The following CCNJL variants were observed in gnomAD, a reference collection of about 807,000 sequenced individuals.
CCNJL encodes cyclin-J-like protein.
Under a neutral mutation model 33.4 loss-of-function variants are expected in CCNJL, and 33 were observed. The observed-to-expected ratio is 0.99, with a 90% CI of 0.75 to 1.32. The LOEUF (loss-of-function observed/expected upper bound fraction) is 1.32. Ranked by LOEUF, CCNJL falls within the 40% of genes most tolerant of loss-of-function variation. CCNJL has a pLI of 0.00. For synonymous variants in CCNJL, 227 were observed against 220.9 expected (o/e 1.03, Z -0.24); for missense variants, 512 against 499.7 (o/e 1.02, Z -0.23).
intron 2 of CCNJL, among the ~76,000 whole-genome samples, chr5:160,302,714 A>G (rs1762960626): frequency 6.6e-6 from 1 of 152,108 alleles, no homozygotes. Context: ...CAGGAGGCTG[A>G]GGCAGGAGAA....
Position 160,280,749 on chromosome 5 carries a change from G to T in CCNJL, c.67-11C>A. The T allele has an allele frequency of 6.3e-7, 1 of 1,575,660 alleles. No homozygotes were observed. The highest frequency in any genetic ancestry group is 8.6e-7 in the Non-Finnish European group (1 of 1,158,164). ...GGGCAGCTTCAGTTCCTGGAGGACA[G>T]GCGGGGCGGAGGGGTGACGGTCAGG... On this transcript the variant is annotated splice_polypyrimidine_tract_variant and intron_variant, in intron 2 of 5. Transcript: ENST00000257536.
chr5:160,272,738 C>T (rs1761880977), intron 3 of CCNJL, among the ~76,000 whole-genome samples: 1 of 152,186 alleles, frequency 6.6e-6, no homozygotes, highest in African/African-American at 2.4e-5. Flanking sequence ...GTCTCATCAG[C>T]TGTTGGTTGA....
intron 2 of CCNJL, among the ~76,000 whole-genome samples, chr5:160,306,270 C>CAAAAAA (rs35956418): frequency 1.5e-5 from 1 of 68,908 alleles, no homozygotes; most frequent in Admixed American, 1.7e-4. Flanking sequence ...GACTCCGTCT[C>CAAAAAA]AAAAAAAAAA....
Position 160,251,795 on chromosome 5 carries a change from G to T in CCNJL, c.*1583C>A, listed in dbSNP as rs1038777507. ...AATCCAAACTGCTTGCACATAAATA[G>T]AACGGAGGTTGGCAAAGGAAAAAAA... On this transcript the variant is annotated 3_prime_UTR_variant, in exon 6 of 6. Transcript: ENST00000257536. The T allele has an allele frequency of 6.6e-6, 1 of 152,148 alleles. No homozygotes were observed. The highest frequency in any genetic ancestry group is 1.9e-4 in the East Asian group (1 of 5,182). 9.4% of individuals were successfully genotyped at this position (152,148 alleles called of 1,614,324 possible).
chr5:160,309,969 G>C (rs768041447), intron 2 of CCNJL, among the ~76,000 whole-genome samples: 2 of 152,142 alleles, frequency 1.3e-5, no homozygotes, highest in Non-Finnish European at 2.9e-5. Context: ...AGCCTTTCTT[G>C]CTTCTTTGAG....
intron 2 of CCNJL, among the ~76,000 whole-genome samples, chr5:160,283,413 T>C (rs557482596): frequency 1.3e-5 from 2 of 152,296 alleles, no homozygotes; most frequent in South Asian, 2.1e-4. Flanking sequence ...TGTTCTGTCA[T>C]TAGATAGTGG....
chr5:160,308,001 T>A (rs1186798710), intron 2 of CCNJL, among the ~76,000 whole-genome samples: 2 of 152,144 alleles, frequency 1.3e-5, no homozygotes, highest in African/African-American at 4.8e-5. Context: ...AGTAGATACA[T>A]GATTTTTGGT....
rs182137240 is a variant in CCNJL at position 160,292,984 on chromosome 5, T to C, written c.67-12246A>G. Among the ~76,000 whole-genome samples, 596 of 152,354 alleles carry C rather than the reference T, an allele frequency of 3.9e-3. 2 individuals carry two copies. The highest frequency in any genetic ancestry group is 0.027 in the Middle Eastern group (8 of 294). ...GATGGCTCAGAGAGACTAAGTAACT[T>C]GCTTAAGATCACCCAGTTAATAAAT... On this transcript the variant is annotated intron_variant, in intron 2 of 5. Transcript: ENST00000257536.
intron 3 of CCNJL, among the ~76,000 whole-genome samples, chr5:160,279,851 T>G (rs561368779): frequency 4.2e-4 from 64 of 152,128 alleles, no homozygotes; most frequent in Non-Finnish European, 7.5e-4. Flanking sequence ...TGATGTTAAG[T>G]GGAAGGGTGG....
chr5:160,253,720 G>T lies in CCNJL; in HGVS notation c.822C>A (p.Thr274=). ...GTGGCTGGAACAGCACTTGAGTGGG[G>T]GTGGGGGGTGTGCCGGGCACCATTG... ...ALAMVPGTPP[T]PTQVLFQPPA... The change falls in exon 6 of 6, where the codon ACC becomes ACA. Residue 274 remains threonine (T), a synonymous_variant. Coordinates refer to ENST00000257536, the MANE Select transcript of CCNJL (RefSeq NM_001308173.3). 6.3e-7 allele frequency: 1 copy of T among 1,586,722 alleles called. No homozygotes were observed. The highest frequency in any genetic ancestry group is 8.6e-7 in the Non-Finnish European group (1 of 1,167,392).
At chr5:160,295,418 C>G (rs2421776) in intron 2 of CCNJL, among the ~76,000 whole-genome samples, 31,970 of 152,084 alleles carry the variant, frequency 0.21, 4,637 homozygotes, top group African/African-American at 0.42. Flanking sequence ...AACCCGGGCA[C>G]TGGAGGTTGT....
chr5:160,294,912 C>G (rs1299987918), intron 2 of CCNJL: 1 of 152,412 alleles, frequency 6.6e-6, no homozygotes, highest in Non-Finnish European at 1.5e-5. Flanking sequence ...ACCTCCAGCT[C>G]CTGCCCCCGA....
At chr5:160,281,249 T>A (rs1176262889) in intron 2 of CCNJL, 1 of 173,986 alleles carries the variant, frequency 5.7e-6, no homozygotes, top group African/African-American at 2.4e-5. Flanking sequence ...CCACATCTAA[T>A]TCTTTCTGAG....
intron 2 of CCNJL, among the ~76,000 whole-genome samples, chr5:160,281,640 A>ATTTG (rs111576182): frequency 4.6e-4 from 70 of 151,706 alleles, no homozygotes; most frequent in East Asian, 9.6e-4. Context: ...ATTAGACACT[A>ATTTG]TTTGTTTGTT....
intron 1 of CCNJL, among the ~76,000 whole-genome samples, chr5:160,338,017 A>C (rs1050142409): frequency 1.3e-5 from 2 of 152,234 alleles, no homozygotes; most frequent in African/African-American, 4.8e-5. Context: ...TCAATCAAGC[A>C]GAACTCAGCT....
chr5:160,313,316 T>A (rs568467396), upstream of CCNJL, among the ~76,000 whole-genome samples: 5 of 152,246 alleles, frequency 3.3e-5, no homozygotes, highest in African/African-American at 4.8e-5. Context: ...TTCACAAATT[T>A]GGAATCAAAT....
chr5:160,323,115 G>C (rs939229218), intron 1 of CCNJL, among the ~76,000 whole-genome samples: 1 of 151,538 alleles, frequency 6.6e-6, no homozygotes, highest in Non-Finnish European at 1.5e-5. Flanking sequence ...GGTGCCTGTA[G>C]TCCCAGGTAC....
chr5:160,301,179 C>T (rs1349042881), intron 2 of CCNJL, among the ~76,000 whole-genome samples: 1 of 152,082 alleles, frequency 6.6e-6, no homozygotes, highest in Non-Finnish European at 1.5e-5. Context: ...TTTTTATAGA[C>T]ATAAAACGGA....
rs967651958 is a variant in CCNJL at position 160,251,021 on chromosome 5, A to G, written c.*2357T>C. ...GGTGTGATCATTAAGTTTATGTGGC[A>G]GCTTGGCTAGGCTACAGTGCCTGTT... On this transcript the variant is annotated 3_prime_UTR_variant, in exon 6 of 6. Transcript: ENST00000257536. 6.6e-6 allele frequency: 1 copy of G among 152,206 alleles called. No homozygotes were observed. Among genetic ancestry groups the G allele is most frequent in the Non-Finnish European group, 1.5e-5 (1 of 68,036 alleles). 9.4% of individuals were successfully genotyped at this position (152,206 alleles called of 1,614,324 possible). A position where few individuals can be genotyped will look rare whatever the true frequency, so the allele number is the denominator to read the frequency against.
Sources: gnomAD v4.1 joint callset for allele counts (sites outside exome capture counted in the v4.1 genomes callset) on GRCh38, gnomAD v4.1.1 for gene constraint, MANE v1.5 for transcripts, NCBI Gene and HGNC (gene_info 2026-07-23, HGNC 2026-07-21) for gene names.